Variants in NEK9 observed in about 807,000 individuals in gnomAD.
NEK9 encodes the protein serine/threonine-protein kinase Nek9.
NEK9 carries 75 observed loss-of-function variants against 123.4 expected under a neutral mutation model. That is an observed-to-expected ratio of 0.61 (90% CI 0.50 to 0.74). The LOEUF is 0.74. NEK9 is among the 30% of genes least tolerant of loss of function. The pLI is 0.00. For synonymous variants in NEK9, 438 were observed against 458.7 expected (o/e 0.95, Z 0.58); for missense variants, 952 against 1,214.4 (o/e 0.78, Z 3.21).
In NEK9 at chr14:75,079,959, T is replaced by A. The variant is rs905038959; in HGVS notation, c.*4605A>T. ...AGGAAGCAGTTGTTTGCTCTCATTT[T>A]GCTAAAGAAATAAAACAATAGTCAA... On this transcript the variant is annotated 3_prime_UTR_variant, in exon 22 of 22. Coordinates refer to ENST00000238616, the MANE Select transcript of NEK9 (RefSeq NM_033116.6). 6.6e-6 allele frequency: 1 copy of A among 152,258 alleles called. No individual in the cohort carries two copies. The highest frequency in any genetic ancestry group is 1.5e-5 in the Non-Finnish European group (1 of 68,052). The allele number at this position is 152,258 out of a possible 1,614,324, so 9.4% of individuals were successfully genotyped here.
At chr14:75,111,476 C>CT (rs1766557455) in intron 8 of NEK9, among the ~76,000 whole-genome samples, 2 of 152,342 alleles carry the variant, frequency 1.3e-5, no homozygotes, top group Admixed American at 1.3e-4. Flanking sequence ...CTGGAAAACT[C>CT]TGTCTTATGT....
rs760890716 is a variant in NEK9 at position 75,079,683 on chromosome 14, G to T, written c.*4881C>A. 6.6e-6 allele frequency: 1 copy of T among 152,200 alleles called. No individual in the cohort carries two copies. The highest frequency in any genetic ancestry group is 1.5e-5 in the Non-Finnish European group (1 of 68,046). 9.4% of individuals were successfully genotyped at this position (152,200 alleles called of 1,614,324 possible). Reference sequence around the variant, plus strand: ...ATATGGAACATCTCTTGAAAAACTGGAAGTTCTGGAAACACTGGGCCAGCA... The same window carrying T: ...ATATGGAACATCTCTTGAAAAACTGTAAGTTCTGGAAACACTGGGCCAGCA... On this transcript the variant is annotated 3_prime_UTR_variant, in exon 22 of 22. Transcript: ENST00000238616.
chr14:75,108,187 C>T (rs1460586433), intron 10 of NEK9, among the ~76,000 whole-genome samples: 3 of 151,080 alleles, frequency 2.0e-5, no homozygotes, highest in South Asian at 2.1e-4. Flanking sequence ...CGCAGTGGCT[C>T]GATCTCAGCT....
chr14:75,126,681 G>A, intron 1 of NEK9, 22 bp downstream of exon 1: 1 of 1,394,548 alleles, frequency 7.2e-7, no homozygotes, highest in Non-Finnish European at 9.3e-7. Flanking sequence ...CAGACAGGGC[G>A]GCCGGCGCCG....
In NEK9 at chr14:75,126,782, T is replaced by A. The variant is rs1895545711; in HGVS notation, c.140A>T (p.Gln47Leu). ...GPRAGGGAAEQEELHYIPIRV... is the reference protein window; with the variant it reads ...GPRAGGGAAELEELHYIPIRV... ...GATGGGGATGTAGTGCAGTTCCTCCTGCTCCGCCGCGCCGCCGCCGGCTCG... is the reference window on the plus strand; with the variant it reads ...GATGGGGATGTAGTGCAGTTCCTCCAGCTCCGCCGCGCCGCCGCCGGCTCG... The change falls in exon 1 of 22, where the codon CAG becomes CTG. Residue 47 changes from glutamine (Q) to leucine (L), a missense_variant. Around this residue, in one of 4 missense-constraint regions of NEK9, gnomAD observed 120 missense variants for 97.6 expected, o/e 1.23. Coordinates refer to ENST00000238616, the MANE Select transcript of NEK9 (RefSeq NM_033116.6). 6.5e-7 allele frequency: 1 copy of A among 1,531,670 alleles called. No homozygotes were observed. The highest frequency in any genetic ancestry group is 8.8e-7 in the Non-Finnish European group (1 of 1,140,156). 94.9% of individuals were successfully genotyped at this position (1,531,670 alleles called of 1,614,324 possible).
At chr14:75,122,789 CTTTTTTTTTT>C (rs35799337) in intron 2 of NEK9, among the ~76,000 whole-genome samples, 3 of 80,106 alleles carry the variant, frequency 3.7e-5, no homozygotes, top group Non-Finnish European at 6.8e-5. Flanking sequence ...CCACGCCCAG[CTTTTTTTTTT>C]TTTTTTTTTT....
At chr14:75,085,074 C>G (rs747174339) in intron 21 of NEK9, 2 of 193,472 alleles carry the variant, frequency 1.0e-5, no homozygotes, top group African/African-American at 4.6e-5. Flanking sequence ...GGTGTGATCA[C>G]GGATCACTGC....
rs115588178 is a variant in NEK9 at position 75,082,958 on chromosome 14, A to G, written c.*1606T>C. On this transcript the variant is annotated 3_prime_UTR_variant, in exon 22 of 22. Coordinates refer to ENST00000238616, the MANE Select transcript of NEK9 (RefSeq NM_033116.6). Reference sequence around the variant, plus strand: ...GTACTAATGTACTAGGCTTCCCAGAACTGAGAAAACAATGGGAACATCAAA... The same window carrying G: ...GTACTAATGTACTAGGCTTCCCAGAGCTGAGAAAACAATGGGAACATCAAA... 739 of 398,656 alleles carry G rather than the reference A, an allele frequency of 1.9e-3. 5 individuals are homozygous for G. Among genetic ancestry groups the G allele is most frequent in the African/African-American group, 0.014 (687 of 48,752 alleles). 24.7% of individuals were successfully genotyped at this position (398,656 alleles called of 1,614,324 possible).
rs1893885669 is a variant in NEK9, at chr14:75,082,196, CAAT to C, written c.*2365_*2367del. On this transcript the variant is annotated 3_prime_UTR_variant, in exon 22 of 22. Transcript: ENST00000238616. ...TCAACCTTTCAAGCAACCTGGCTAA[CAAT>C]AAACTAGTTCTTCTGCAACAATGTT... is the stretch of plus-strand genomic sequence containing the variant. 1 of 152,162 alleles carries C rather than the reference CAAT, an allele frequency of 6.6e-6. No individual in the cohort carries two copies. Among genetic ancestry groups the C allele is most frequent in the African/African-American group, 2.4e-5 (1 of 41,432 alleles). 9.4% of individuals were successfully genotyped at this position (152,162 alleles called of 1,614,324 possible).
At chr14:75,120,358 T>C in intron 4 of NEK9, 152 bp downstream of exon 4, 1 of 527,790 alleles carries the variant, frequency 1.9e-6, no homozygotes, top group East Asian at 3.1e-5. Context: ...GGAGTGAAAA[T>C]AATATTGCTC....
At chr14:75,099,679 G>A (rs559312050) in intron 16 of NEK9, among the ~76,000 whole-genome samples, 1 of 151,968 alleles carries the variant, frequency 6.6e-6, no homozygotes, top group East Asian at 1.9e-4. Context: ...CTACTCAGGA[G>A]GCTAAGGCAG....
In NEK9 at chr14:75,084,541, G is replaced by A. The variant is rs1893958107; in HGVS notation, c.*23C>T. 1 of 1,613,204 alleles carries A rather than the reference G, an allele frequency of 6.2e-7. No individual in the cohort carries two copies. Among genetic ancestry groups the A allele is most frequent in the Admixed American group, 1.7e-5 (1 of 59,986 alleles). On this transcript the variant is annotated 3_prime_UTR_variant, in exon 22 of 22. Transcript: ENST00000238616. ...GAAGTTCTTTGGGTCCCAGTCTCCT[G>A]GGGGCTCTACAGGCTCAGGAGACTA... is the stretch of plus-strand genomic sequence containing the variant.
chr14:75,085,613 G>T (rs1399634226), intron 21 of NEK9, among the ~76,000 whole-genome samples: 1 of 152,170 alleles, frequency 6.6e-6, no homozygotes, highest in Admixed American at 6.5e-5. Flanking sequence ...AAAAGACAGG[G>T]TGACAGAAAA....
chr14:75,099,177 TGGCTG>T lies in NEK9; in HGVS notation c.2002+1810_2002+1814del, dbSNP rs201215398. On this transcript the variant is annotated intron_variant, in intron 16 of 21. Coordinates refer to ENST00000238616, the MANE Select transcript of NEK9 (RefSeq NM_033116.6). ...CAAAAGATAAGAAGATTAAATGTAT[TGGCTG>T]GGCATGGTGGCACACGCCTGTAATT... Among the ~76,000 whole-genome samples, 985 of 152,260 alleles carry T rather than the reference TGGCTG, an allele frequency of 6.5e-3. 9 individuals carry two copies. Among genetic ancestry groups the T allele is most frequent in the African/African-American group, 0.022 (932 of 41,562 alleles).
Position 75,126,938 on chromosome 14 carries a change from C to T in NEK9, c.-17G>A, listed in dbSNP as rs775249593. 53 of 1,449,850 alleles carry T rather than the reference C, an allele frequency of 3.7e-5. No homozygotes were observed. The African/African-American group carries it at 7.1e-4, about 19-fold the overall frequency. The allele number at this position is 1,449,850 out of a possible 1,614,324, so 89.8% of individuals were successfully genotyped here. A position where few individuals can be genotyped will look rare whatever the true frequency, so the allele number is the denominator to read the frequency against. On this transcript the variant is annotated 5_prime_UTR_variant, in exon 1 of 22. Coordinates refer to ENST00000238616, the MANE Select transcript of NEK9 (RefSeq NM_033116.6). ...CACCGACATGGCGGCGGCCGCGGGCCTTGGGGACCAGCCTGCGTATGCCCG... is the reference window on the plus strand; with the variant it reads ...CACCGACATGGCGGCGGCCGCGGGCTTTGGGGACCAGCCTGCGTATGCCCG...
intron 3 of NEK9, 178 bp from the exon 4 acceptor site, chr14:75,120,758 C>CA (rs1278919149): frequency 1.4e-5 from 8 of 586,150 alleles, no homozygotes; most frequent in Admixed American, 1.3e-4. Context: ...TAAAAAACCA[C>CA]AAAAAACAGG....
intron 19 of NEK9, among the ~76,000 whole-genome samples, chr14:75,089,701 A>AC (rs1894148440): frequency 1.4e-5 from 2 of 142,222 alleles, no homozygotes; most frequent in Non-Finnish European, 3.1e-5. Context: ...ATGCCCAGCT[A>AC]ATTTTTTTTT....
chr14:75,089,262 T>C (rs1287431845), intron 19 of NEK9, among the ~76,000 whole-genome samples: 4 of 151,976 alleles, frequency 2.6e-5, no homozygotes, highest in Non-Finnish European at 4.4e-5. Context: ...AGAATCTCAC[T>C]CTGTCACCAG....
chr14:75,111,765 C>T (rs1894965091), intron 8 of NEK9, among the ~76,000 whole-genome samples: 1 of 152,154 alleles, frequency 6.6e-6, no homozygotes. Context: ...GTGGCGCCTG[C>T]CTGTAGTCCC....
Sources: allele counts gnomAD v4.1 joint callset (sites outside exome capture counted in the v4.1 genomes callset), GRCh38; gene constraint gnomAD v4.1.1; regional missense constraint gnomAD v4.1.1; transcripts MANE v1.5; gene names NCBI Gene and HGNC (gene_info 2026-07-23, HGNC 2026-07-21).